Variants in GULP1 observed in about 807,000 individuals in gnomAD.
GULP1 encodes the protein GULP PTB domain containing engulfment adaptor 1, also known as PTB domain-containing engulfment adapter protein 1.
Under a neutral mutation model 40.9 loss-of-function variants are expected in GULP1, and 19 were observed. That is an observed-to-expected ratio of 0.46 (90% CI 0.32 to 0.68). GULP1 has a LOEUF of 0.68. GULP1 is among the 30% of genes least tolerant of loss of function. The pLI, the probability that GULP1 is intolerant of heterozygous loss-of-function variation, is 0.03. For synonymous variants in GULP1, 119 were observed against 117.6 expected, an observed-to-expected ratio of 1.01 and a Z score of -0.08; for missense variants, 312 against 362.2, an observed-to-expected ratio of 0.86 and a Z score of 1.12.
chr2:188,393,907 C>T (rs2050863980), intron 2 of GULP1, among the ~76,000 whole-genome samples: 1 of 152,138 alleles, frequency 6.6e-6, no homozygotes, highest in Non-Finnish European at 1.5e-5. Context: ...GTTTGACAGG[C>T]TTTCCTTTAT....
chr2:188,357,016 A>G (rs1419192744), intron 1 of GULP1, among the ~76,000 whole-genome samples: 1 of 152,186 alleles, frequency 6.6e-6, no homozygotes, highest in Admixed American at 6.5e-5. Context: ...ATGCAGAAAA[A>G]TAAAACTGGA....
chr2:188,572,282 T>C (rs924710697), intron 9 of GULP1, among the ~76,000 whole-genome samples: 1 of 152,212 alleles, frequency 6.6e-6, no homozygotes, highest in African/African-American at 2.4e-5. Flanking sequence ...CAATTCTCAT[T>C]AGTAGAGCCA....
intron 2 of GULP1, among the ~76,000 whole-genome samples, chr2:188,448,658 A>G (rs149987545): frequency 6.6e-6 from 1 of 152,318 alleles, no homozygotes; most frequent in African/African-American, 2.4e-5. Flanking sequence ...TAAATAGAAC[A>G]TATGTGATAT....
intron 7 of GULP1, among the ~76,000 whole-genome samples, chr2:188,554,910 C>A (rs756531977): frequency 1.5e-4 from 23 of 151,986 alleles, no homozygotes; most frequent in Non-Finnish European, 2.4e-4. Context: ...CCTTTTCCAT[C>A]TTTTTAGAAC....
At chr2:188,489,934 T>C (rs2062202364) in intron 4 of GULP1, among the ~76,000 whole-genome samples, 1 of 152,104 alleles carries the variant, frequency 6.6e-6, no homozygotes, top group African/African-American at 2.4e-5. Context: ...TTGCATGGCT[T>C]CTGGATTCTT....
chr2:188,403,335 A>T (rs2052584728), intron 2 of GULP1, among the ~76,000 whole-genome samples: 1 of 152,134 alleles, frequency 6.6e-6, no homozygotes, highest in African/African-American at 2.4e-5. Flanking sequence ...TGAAAATATC[A>T]TTTTGAGATA....
intron 1 of GULP1, among the ~76,000 whole-genome samples, chr2:188,350,572 A>T (rs2044316576): frequency 6.6e-6 from 1 of 151,840 alleles, no homozygotes; most frequent in South Asian, 2.1e-4. Context: ...AGGTTTCTTT[A>T]TTGTTTTTAC....
intron 1 of GULP1, among the ~76,000 whole-genome samples, chr2:188,331,161 G>T (rs533544328): frequency 2.6e-5 from 4 of 152,122 alleles, no homozygotes; most frequent in Non-Finnish European, 4.4e-5. Flanking sequence ...GTATAATTGA[G>T]CCTTAGCATT....
intron 2 of GULP1, among the ~76,000 whole-genome samples, chr2:188,418,124 T>TA (rs572940911): frequency 3.9e-5 from 6 of 151,948 alleles, no homozygotes; most frequent in Non-Finnish European, 7.4e-5. Flanking sequence ...TGTTTTTATT[T>TA]AAAAAAAATT....
intron 4 of GULP1, among the ~76,000 whole-genome samples, chr2:188,489,516 A>T (rs2153087866): frequency 1.3e-5 from 2 of 152,166 alleles, no homozygotes; most frequent in Non-Finnish European, 2.9e-5. Context: ...ACTGGTCTTT[A>T]ATAATGCTAA....
intron 1 of GULP1, among the ~76,000 whole-genome samples, chr2:188,344,105 G>A (rs1046965781): frequency 1.3e-5 from 2 of 152,172 alleles, no homozygotes; most frequent in Non-Finnish European, 2.9e-5. Context: ...ACCACGCCTG[G>A]CCCTCTCAAC....
chr2:188,446,593 T>C (rs1463405370), intron 2 of GULP1, among the ~76,000 whole-genome samples: 1 of 152,210 alleles, frequency 6.6e-6, no homozygotes, highest in Non-Finnish European at 1.5e-5. Context: ...TTTAGGTTAC[T>C]GGATTATCTG....
chr2:188,543,970 C>G (rs1312843904), intron 7 of GULP1, among the ~76,000 whole-genome samples: 1 of 152,102 alleles, frequency 6.6e-6, no homozygotes, highest in East Asian at 1.9e-4. Context: ...ATTAATAGTC[C>G]TCCTTCTTCC....
chr2:188,430,681 C>T (rs1025087055), intron 2 of GULP1, among the ~76,000 whole-genome samples: 5 of 152,184 alleles, frequency 3.3e-5, no homozygotes, highest in African/African-American at 7.2e-5. Flanking sequence ...CTTGAGGCTG[C>T]CCATAGAAAC....
chr2:188,352,649 C>CACACACACACACACACACT, intron 1 of GULP1, among the ~76,000 whole-genome samples: 1 of 146,216 alleles, frequency 6.8e-6, no homozygotes, highest in Non-Finnish European at 1.5e-5. Flanking sequence ...CACACACACA[C>CACACACACACACACACACT]GGTTCTGTTT....
chr2:188,524,887 A>G (rs2153229175), intron 5 of GULP1, among the ~76,000 whole-genome samples: 1 of 151,894 alleles, frequency 6.6e-6, no homozygotes, highest in Admixed American at 6.5e-5. Flanking sequence ...ATGTAAGGTA[A>G]CATTTTATTT....
intron 1 of GULP1, among the ~76,000 whole-genome samples, chr2:188,340,023 C>T (rs576813946): frequency 3.3e-5 from 5 of 152,128 alleles, no homozygotes; most frequent in South Asian, 4.2e-4. Flanking sequence ...CTAAAAAGAA[C>T]GAGAGAGATT....
intron 1 of GULP1, among the ~76,000 whole-genome samples, chr2:188,310,160 T>C (rs960465544): frequency 6.6e-6 from 1 of 152,166 alleles, no homozygotes; most frequent in African/African-American, 2.4e-5. Flanking sequence ...TCTGTAGCTG[T>C]GGACTCTGAG....
At chr2:188,436,892 C>G (rs1372601278) in intron 2 of GULP1, among the ~76,000 whole-genome samples, 1 of 152,022 alleles carries the variant, frequency 6.6e-6, no homozygotes, top group East Asian at 1.9e-4. Context: ...ATCTCTATTT[C>G]TATCCATAGA....
Sources: gnomAD v4.1 joint callset for allele counts (sites outside exome capture counted in the v4.1 genomes callset) on GRCh38, gnomAD v4.1.1 for gene constraint, MANE v1.5 for transcripts, NCBI Gene and HGNC (gene_info 2026-07-23, HGNC 2026-07-21) for gene names.